Variants in WDR43 observed in about 807,000 individuals in gnomAD.
WDR43 encodes the protein WD repeat-containing protein 43.
Under a neutral mutation model 91.4 loss-of-function variants are expected in WDR43, and 13 were observed. The ratio of observed to expected loss-of-function variants is 0.14; its 90% confidence interval spans 0.09 to 0.23. The LOEUF (loss-of-function observed/expected upper bound fraction) is 0.23, where lower values mean the gene tolerates loss of function less well. Ranked by LOEUF, WDR43 falls within the 10% of genes least tolerant of loss-of-function variation. The probability of loss-of-function intolerance (pLI) is 1.00; values close to 1 mark genes in which losing one functional copy is unlikely to be tolerated. For missense variants in WDR43, 780 were observed against 809.4 expected (o/e 0.96, Z 0.44); for synonymous variants, 331 against 287.9 (o/e 1.15, Z -1.51).
Position 28,920,740 on chromosome 2 carries a change from G to A in WDR43, c.850-2179G>A, listed in dbSNP as rs187610693. 2.4e-3 allele frequency among the ~76,000 whole-genome samples: 364 copies of A among 151,774 alleles called. 2 individuals are homozygous for A. The highest frequency in any genetic ancestry group is 8.1e-3 in the African/African-American group (335 of 41,386). On this transcript the variant is annotated intron_variant, in intron 6 of 17. Transcript: ENST00000407426. ...CAGCCAGGCTGGAGTGCAGTGGTGT[G>A]ATCTCAGCTCACTGCAAACTCTGCC...
chr2:28,931,009 T>C (rs1047693622), intron 11 of WDR43, among the ~76,000 whole-genome samples: 20 of 152,174 alleles, frequency 1.3e-4, no homozygotes, highest in African/African-American at 4.8e-4. Flanking sequence ...AAGTAATTCT[T>C]TAAAAATTAT....
At chr2:28,928,101 G>A in intron 10 of WDR43, 1 of 179,718 alleles carries the variant, frequency 5.6e-6, no homozygotes, top group East Asian at 1.5e-4. Flanking sequence ...AAAAGTGATA[G>A]TCATTATAAC....
intron 14 of WDR43, among the ~76,000 whole-genome samples, chr2:28,940,111 CAAAAA>C (rs369746530): frequency 9.7e-6 from 1 of 103,366 alleles, no homozygotes; most frequent in African/African-American, 3.9e-5. Flanking sequence ...GACTCCGTCT[CAAAAA>C]AAAAAAAAAA....
intron 11 of WDR43, among the ~76,000 whole-genome samples, chr2:28,933,727 A>G (rs749089224): frequency 3.4e-4 from 51 of 152,224 alleles, no homozygotes; most frequent in Middle Eastern, 3.2e-3. Flanking sequence ...GCACATGTAA[A>G]GGTATTATGC....
intron 9 of WDR43, 99 bp from the exon 10 acceptor site, chr2:28,927,470 C>T (rs1032363460): frequency 1.2e-5 from 16 of 1,361,460 alleles, no homozygotes; most frequent in African/African-American, 1.0e-4. Context: ...TTGCATTTTT[C>T]CAATAGAGGA....
At chr2:28,944,582 A>G (rs1671507800) in intron 16 of WDR43, among the ~76,000 whole-genome samples, 1 of 152,244 alleles carries the variant, frequency 6.6e-6, no homozygotes, top group African/African-American at 2.4e-5. Flanking sequence ...GAGCATGTTT[A>G]AAATGGTTTA....
intron 6 of WDR43, among the ~76,000 whole-genome samples, chr2:28,921,131 A>ATTTTT (rs35903168): frequency 1.4e-5 from 2 of 147,674 alleles, no homozygotes; most frequent in African/African-American, 5.0e-5. Context: ...TTTAAAAAAA[A>ATTTTT]TTTTTTTTTT....
In WDR43 at chr2:28,926,569, A is replaced by G. The variant is rs767427765; in HGVS notation, c.1173+15A>G. On this transcript the variant is annotated intron_variant, in intron 9 of 17. Transcript: ENST00000407426. Reference sequence around the variant, plus strand: ...CTATAACAAAGGTGAGCACATTACAAATTTGAAGTTTTAAGAAAAAGAATA... The same window carrying G: ...CTATAACAAAGGTGAGCACATTACAGATTTGAAGTTTTAAGAAAAAGAATA... 1 of 1,564,594 alleles carries G rather than the reference A, an allele frequency of 6.4e-7. No homozygotes were observed. The highest frequency in any genetic ancestry group is 8.7e-7 in the Non-Finnish European group (1 of 1,153,466).
At chr2:28,913,099 G>A (rs905612878) in intron 4 of WDR43, among the ~76,000 whole-genome samples, 13 of 151,604 alleles carry the variant, frequency 8.6e-5, no homozygotes, top group Admixed American at 8.5e-4. Flanking sequence ...GACTACAGGC[G>A]CCCGCCACCA....
chr2:28,918,271 A>G (rs1306476811), intron 6 of WDR43, among the ~76,000 whole-genome samples: 1 of 152,180 alleles, frequency 6.6e-6, no homozygotes, highest in South Asian at 2.1e-4. Context: ...AGGAGTATGT[A>G]TATATGATTC....
At chr2:28,929,960 G>A in intron 11 of WDR43, 2 of 575,306 alleles carry the variant, frequency 3.5e-6, no homozygotes, top group South Asian at 3.4e-5. Context: ...TGAATTATTA[G>A]GTTATTAGGC....
intron 11 of WDR43, among the ~76,000 whole-genome samples, chr2:28,931,991 T>G (rs1671256761): frequency 6.7e-6 from 1 of 149,184 alleles, no homozygotes; most frequent in Non-Finnish European, 1.5e-5. Flanking sequence ...TCCTGCCACC[T>G]CAGCCTCCTG....
rs1671219764 is a variant in WDR43 at position 28,930,574 on chromosome 2, G to A, written c.1437+864G>A. 5.9e-5 allele frequency among the ~76,000 whole-genome samples: 9 copies of A among 152,158 alleles called. No homozygotes were observed. The South Asian group carries it at 1.7e-3, about 28-fold the overall frequency. On this transcript the variant is annotated intron_variant, in intron 11 of 17. Transcript: ENST00000407426. ...GTTTGTGAATGTGTGTATTGTGGAGGTAGATTTTAGTTTACCATGGCATAG... is the reference window on the plus strand; with the variant it reads ...GTTTGTGAATGTGTGTATTGTGGAGATAGATTTTAGTTTACCATGGCATAG...
Position 28,937,009 on chromosome 2 carries a change from A to G in WDR43, c.1556+56A>G, listed in dbSNP as rs1671348232. 6.6e-7 allele frequency: 1 copy of G among 1,508,628 alleles called. No individual in the cohort carries two copies. The highest frequency in any genetic ancestry group is 1.4e-5 in the African/African-American group (1 of 71,502). The allele number at this position is 1,508,628 out of a possible 1,614,324, so 93.5% of individuals were successfully genotyped here. A position where few individuals can be genotyped will look rare whatever the true frequency, so the allele number is the denominator to read the frequency against. On this transcript the variant is annotated intron_variant, in intron 13 of 17. Transcript: ENST00000407426. ...GTTGTCTGACAGCATGAAATTAAAT[A>G]TTAGGTGGTTCTGATTTCTAACTAA...
intron 3 of WDR43, among the ~76,000 whole-genome samples, chr2:28,910,588 T>C (rs1050715912): frequency 6.6e-6 from 1 of 151,676 alleles, no homozygotes; most frequent in African/African-American, 2.4e-5. Flanking sequence ...ATTTGTGTAT[T>C]GTGAGTATTA....
chr2:28,937,055 A>C (rs1671348871), intron 13 of WDR43, 102 bp downstream of exon 13: 1 of 1,115,776 alleles, frequency 9.0e-7, no homozygotes, highest in Non-Finnish European at 1.3e-6. Flanking sequence ...TCAGTGTCAA[A>C]TATTAACCCC....
At chr2:28,935,464 G>A (rs1443818722) in intron 11 of WDR43, 57 bp from the exon 12 acceptor site, 12 of 1,193,180 alleles carry the variant, frequency 1.0e-5, no homozygotes, top group African/African-American at 1.6e-5. Flanking sequence ...TTTTTTTTCT[G>A]TGATGTCCTT....
intron 1 of WDR43, among the ~76,000 whole-genome samples, chr2:28,897,901 A>C (rs1323500547): frequency 6.6e-6 from 1 of 152,190 alleles, no homozygotes; most frequent in Non-Finnish European, 1.5e-5. Flanking sequence ...TGGTCTTTGG[A>C]GCCTGGGGGA....
At chr2:28,942,487 C>A in intron 16 of WDR43, 106 bp downstream of exon 16, 3 of 1,227,848 alleles carry the variant, frequency 2.4e-6, no homozygotes, top group Non-Finnish European at 2.3e-6. Flanking sequence ...CTTCCTTTGG[C>A]AAGCCTTCTC....
Sources: allele counts gnomAD v4.1 joint callset (sites outside exome capture counted in the v4.1 genomes callset), GRCh38; gene constraint gnomAD v4.1.1; transcripts MANE v1.5; gene names NCBI Gene and HGNC (gene_info 2026-07-23, HGNC 2026-07-21).